Variants in HDAC9 observed in about 807,000 individuals in gnomAD.
HDAC9 encodes the protein MEF-2 interacting transcription repressor (MITR) protein.
A neutral mutation model predicts 139.4 loss-of-function variants in HDAC9; 41 were observed. The observed-to-expected ratio is 0.29, with a 90% confidence interval of 0.23 to 0.38. The LOEUF is 0.38. Among genes scored for constraint, HDAC9 ranks in the 10% least tolerant of loss-of-function variants. The pLI is 1.00. For synonymous variants in HDAC9, 517 were observed against 476.2 expected, an observed-to-expected ratio of 1.09 and a Z score of -1.12; for missense variants, 1,147 against 1,297.0, an observed-to-expected ratio of 0.88 and a Z score of 1.78.
At chr7:18,597,263 C>G (rs1832757094) in intron 6 of HDAC9, among the ~76,000 whole-genome samples, 1 of 152,128 alleles carries the variant, frequency 6.6e-6, no homozygotes, top group South Asian at 2.1e-4. Flanking sequence ...CTTTACATAA[C>G]TTATTTTGAA....
intron 2 of HDAC9, among the ~76,000 whole-genome samples, chr7:18,203,148 A>G (rs1056275378): frequency 6.6e-6 from 1 of 152,124 alleles, no homozygotes; most frequent in African/African-American, 2.4e-5. Context: ...GACTAAAAAG[A>G]TATTGTCTGA....
intron 2 of HDAC9, among the ~76,000 whole-genome samples, chr7:18,280,853 C>T (rs2128219797): frequency 6.6e-6 from 1 of 152,178 alleles, no homozygotes; most frequent in African/African-American, 2.4e-5. Context: ...CTTCTTCTTC[C>T]ATTTAATCAT....
At chr7:18,719,242 G>T (rs1380839808) in intron 12 of HDAC9, among the ~76,000 whole-genome samples, 1 of 151,246 alleles carries the variant, frequency 6.6e-6, no homozygotes, top group Non-Finnish European at 1.5e-5. Context: ...CTAACTTGTG[G>T]GTTACCTTTC....
intron 2 of HDAC9, among the ~76,000 whole-genome samples, chr7:18,206,464 C>A (rs1226513696): frequency 6.6e-6 from 1 of 151,990 alleles, no homozygotes; most frequent in Non-Finnish European, 1.5e-5. Context: ...GTAAATAAAT[C>A]CCAATGGAGG....
At chr7:18,748,260 C>A (rs1237970972) in intron 13 of HDAC9, among the ~76,000 whole-genome samples, 3 of 152,116 alleles carry the variant, frequency 2.0e-5, no homozygotes, top group Non-Finnish European at 4.4e-5. Flanking sequence ...ATAAGGCTTA[C>A]TTGAAAATGA....
chr7:18,483,951 T>A (rs890841761), intron 1 of HDAC9, among the ~76,000 whole-genome samples: 4 of 142,316 alleles, frequency 2.8e-5, no homozygotes, highest in African/African-American at 1.0e-4. Flanking sequence ...TATTCTACTA[T>A]GTAATGATCT....
intron 13 of HDAC9, 109 bp from the exon 14 acceptor site, chr7:18,748,896 A>C: frequency 9.4e-7 from 1 of 1,059,510 alleles, no homozygotes; most frequent in South Asian, 1.7e-5. Context: ...CCTTTGTTAA[A>C]TTTATTTTAA....
chr7:18,886,250 A>G (rs1352951924), intron 22 of HDAC9, among the ~76,000 whole-genome samples: 1 of 152,302 alleles, frequency 6.6e-6, no homozygotes, highest in Non-Finnish European at 1.5e-5. Context: ...AATATTTTCC[A>G]CCTGCACTGT....
At chr7:18,701,066 AG>A (rs1783433424) in intron 12 of HDAC9, among the ~76,000 whole-genome samples, 1 of 152,118 alleles carries the variant, frequency 6.6e-6, no homozygotes, top group African/African-American at 2.4e-5. Flanking sequence ...CAAATTAAAA[AG>A]TTTTCATGAC....
chr7:18,177,678 G>T (rs563293820), intron 2 of HDAC9, among the ~76,000 whole-genome samples: 72 of 152,234 alleles, frequency 4.7e-4, no homozygotes, highest in African/African-American at 1.7e-3. Flanking sequence ...CTTAGTACTG[G>T]GGTTGTCTTC....
intron 2 of HDAC9, among the ~76,000 whole-genome samples, chr7:18,552,253 G>C (rs766781098): frequency 6.6e-6 from 1 of 152,104 alleles, no homozygotes; most frequent in Non-Finnish European, 1.5e-5. Flanking sequence ...TGCAAATTAT[G>C]ATCTTGAAAA....
At chr7:18,351,718 G>C (rs985368339) in intron 1 of HDAC9, among the ~76,000 whole-genome samples, 3 of 152,154 alleles carry the variant, frequency 2.0e-5, no homozygotes, top group African/African-American at 2.4e-5. Context: ...TTGCATAGCT[G>C]TTGTGATTAT....
intron 1 of HDAC9, among the ~76,000 whole-genome samples, chr7:18,415,501 A>G (rs974309157): frequency 6.6e-6 from 1 of 152,164 alleles, no homozygotes; most frequent in Non-Finnish European, 1.5e-5. Context: ...TTAGTGTAAT[A>G]CTTCATGTTT....
chr7:18,999,368 G>A lies in HDAC9; in HGVS notation c.*3306G>A, dbSNP rs1195838760. The A allele has an allele frequency of 3.9e-5, 6 of 152,106 alleles. No homozygotes were observed. Among genetic ancestry groups the A allele is most frequent in the African/African-American group, 1.4e-4 (6 of 41,402 alleles). 9.4% of individuals were successfully genotyped at this position (152,106 alleles called of 1,614,324 possible). A position where few individuals can be genotyped will look rare whatever the true frequency, so the allele number is the denominator to read the frequency against. On this transcript the variant is annotated 3_prime_UTR_variant, in exon 26 of 26. Transcript: ENST00000686413. ...AATTATAAAGCCTCGTGGATTTACT[G>A]GGTTTCTTTACAGACTCCATATGGA...
At chr7:18,990,314 G>C (rs959076526) in intron 25 of HDAC9, among the ~76,000 whole-genome samples, 1 of 152,076 alleles carries the variant, frequency 6.6e-6, no homozygotes, top group Non-Finnish European at 1.5e-5. Flanking sequence ...GCCATGTGAG[G>C]TGTCAGTGTG....
intron 1 of HDAC9, among the ~76,000 whole-genome samples, chr7:18,375,162 G>A (rs1449672714): frequency 6.6e-6 from 1 of 152,150 alleles, no homozygotes; most frequent in East Asian, 1.9e-4. Context: ...ACATAAAATT[G>A]TTTGGGATAA....
chr7:18,777,631 A>G (rs1462169166), intron 16 of HDAC9, among the ~76,000 whole-genome samples: 1 of 152,018 alleles, frequency 6.6e-6, no homozygotes, highest in Non-Finnish European at 1.5e-5. Context: ...AGCATCCTCA[A>G]TATTAAATGA....
At chr7:18,302,921 T>G (rs769591751) in intron 1 of HDAC9, among the ~76,000 whole-genome samples, 1 of 152,192 alleles carries the variant, frequency 6.6e-6, no homozygotes, top group Non-Finnish European at 1.5e-5. Flanking sequence ...TAACAATAGT[T>G]AATCATCTCA....
intron 1 of HDAC9, among the ~76,000 whole-genome samples, chr7:18,412,233 A>G (rs1472588376): frequency 6.6e-6 from 1 of 152,144 alleles, no homozygotes; most frequent in African/African-American, 2.4e-5. Flanking sequence ...GTCTGGGAGA[A>G]AATGTTATTT....
Sources: gnomAD v4.1 joint callset for allele counts (sites outside exome capture counted in the v4.1 genomes callset) on GRCh38, gnomAD v4.1.1 for gene constraint, MANE v1.5 for transcripts, NCBI Gene and HGNC (gene_info 2026-07-23, HGNC 2026-07-21) for gene names.